The following MCC variants were observed in gnomAD, a reference collection of about 807,000 sequenced individuals.
The protein encoded by MCC is colorectal mutant cancer protein.
In MCC, 90 loss-of-function variants were observed where a neutral mutation model predicts 116.2. That is an observed-to-expected ratio of 0.77 (90% CI 0.65 to 0.92). The LOEUF (loss-of-function observed/expected upper bound fraction) is 0.92, where lower values mean the gene tolerates loss of function less well. Ranked by LOEUF, MCC falls within the 40% of genes least tolerant of loss-of-function variation. MCC has a pLI of 0.00. For synonymous variants in MCC, 578 were observed against 510.5 expected (o/e 1.13, Z -1.78); for missense variants, 1,516 against 1,312.2 (o/e 1.16, Z -2.40).
At position 113,340,684 on chromosome 5, in the gene MCC, G is replaced by A; in HGVS notation, c.462C>T (p.Ala154=). Residue 154 remains alanine, a synonymous_variant, in exon 3 of 19, where the codon GCC becomes GCT. Transcript: ENST00000408903. ...GCACATCCGGGCTCTGGAGGTCCCT[G>A]GCACCAGAGTCGTATTCCCAGCTCT... The part of the protein sequence containing the change: ...ARESWEYDSG[A]RDLQSPDVQS... The A allele has an allele frequency of 6.2e-7, 1 of 1,613,964 alleles. No individual in the cohort carries two copies. The highest frequency in any genetic ancestry group is 8.5e-7 in the Non-Finnish European group (1 of 1,180,004).
chr5:113,341,812 A>C (rs1014372509), intron 2 of MCC, among the ~76,000 whole-genome samples: 1 of 143,682 alleles, frequency 7.0e-6, no homozygotes, highest in Non-Finnish European at 1.5e-5. Flanking sequence ...TTTTGCCCTA[A>C]CATGATTAGA....
rs1581385446 is a variant in MCC at position 113,302,393 on chromosome 5, A to G, written c.627+38126T>C. Among the ~76,000 whole-genome samples the G allele has an allele frequency of 2.0e-5, 3 of 152,340 alleles. No individual in the cohort carries two copies. In the Middle Eastern group the frequency reaches 0.01, roughly 518 times the overall value. ...TGCATATTAAAAGAGACTCAAAGACATATCGACCAATGGCAATATGTGGAC... is the reference window on the plus strand; with the variant it reads ...TGCATATTAAAAGAGACTCAAAGACGTATCGACCAATGGCAATATGTGGAC... On this transcript the variant is annotated intron_variant, in intron 3 of 18. Transcript: ENST00000408903.
At chr5:113,292,461 T>C (rs1766537786) in intron 3 of MCC, among the ~76,000 whole-genome samples, 1 of 152,172 alleles carries the variant, frequency 6.6e-6, no homozygotes, top group African/African-American at 2.4e-5. Flanking sequence ...GGAACAATAT[T>C]ATGTCATATA....
intron 1 of MCC, among the ~76,000 whole-genome samples, chr5:113,431,211 C>T (rs908905188): frequency 6.6e-6 from 1 of 152,070 alleles, no homozygotes; most frequent in Admixed American, 6.6e-5. Flanking sequence ...CTGAACAGTG[C>T]TAAGGGCCTA....
At chr5:113,406,428 A>G (rs1293295409) in intron 1 of MCC, among the ~76,000 whole-genome samples, 1 of 152,196 alleles carries the variant, frequency 6.6e-6, no homozygotes, top group East Asian at 1.9e-4. Context: ...AATGACCCAA[A>G]TCAGCCACAT....
In MCC at chr5:113,027,237, T is replaced by TG; in HGVS notation, c.*64_*65insC. 1 of 1,552,492 alleles carries TG rather than the reference T, an allele frequency of 6.4e-7. No homozygotes were observed. Reference sequence around the variant, plus strand: ...CTCCTCCCAACAAGTACATGGGCCCTTCTGTCCCCAGTGGCCTGCTGCAGT... The same window carrying TG: ...CTCCTCCCAACAAGTACATGGGCCCTGTCTGTCCCCAGTGGCCTGCTGCAGT... On this transcript the variant is annotated 3_prime_UTR_variant, in exon 19 of 19. Coordinates refer to ENST00000408903, the MANE Select transcript of MCC (RefSeq NM_001085377.2).
At chr5:113,402,913 G>C (rs1178501522) in intron 1 of MCC, among the ~76,000 whole-genome samples, 1 of 152,104 alleles carries the variant, frequency 6.6e-6, no homozygotes, top group East Asian at 1.9e-4. Flanking sequence ...TTCTGCCTCA[G>C]CCTTCACACC....
intron 4 of MCC, among the ~76,000 whole-genome samples, chr5:113,146,290 C>G (rs950390924): frequency 3.3e-5 from 5 of 152,162 alleles, no homozygotes; most frequent in African/African-American, 1.2e-4. Flanking sequence ...GACTTCTCTT[C>G]TGGAGAACAA....
At chr5:113,144,676 A>G (rs1210710569) in intron 4 of MCC, among the ~76,000 whole-genome samples, 4 of 152,238 alleles carry the variant, frequency 2.6e-5, no homozygotes. Context: ...GGTATCAATC[A>G]TGGTAGGGCC....
At chr5:113,436,144 G>C (rs1770852018) in intron 1 of MCC, 1 of 152,522 alleles carries the variant, frequency 6.6e-6, no homozygotes, top group Admixed American at 6.5e-5. Context: ...TGTCGCTCAG[G>C]CTGGGTTGGG....
At chr5:113,049,388 G>A (rs995019565) in intron 15 of MCC, 89 bp from the exon 16 acceptor site, 26 of 1,100,816 alleles carry the variant, frequency 2.4e-5, no homozygotes, top group Admixed American at 7.9e-5. Context: ...GGGGGTCCCC[G>A]GCTATGACCC....
At chr5:113,401,363 A>G (rs1169985860) in intron 1 of MCC, among the ~76,000 whole-genome samples, 1 of 152,142 alleles carries the variant, frequency 6.6e-6, no homozygotes, top group African/African-American at 2.4e-5. Context: ...GTAGAAGATA[A>G]AGCAAAATTT....
At chr5:113,215,625 G>T (rs556332145) in intron 3 of MCC, among the ~76,000 whole-genome samples, 1 of 152,314 alleles carries the variant, frequency 6.6e-6, no homozygotes, top group African/African-American at 2.4e-5. Flanking sequence ...TGAGGACACA[G>T]TGTTCTTCCC....
intron 5 of MCC, among the ~76,000 whole-genome samples, chr5:113,126,582 T>C (rs777499374): frequency 1.7e-4 from 26 of 152,136 alleles, no homozygotes; most frequent in Non-Finnish European, 3.1e-4. Context: ...AGCCTAGAAA[T>C]ACAAAAACAA....
intron 3 of MCC, among the ~76,000 whole-genome samples, chr5:113,225,714 C>T (rs767842618): frequency 2.0e-5 from 3 of 152,224 alleles, no homozygotes; most frequent in Non-Finnish European, 4.4e-5. Flanking sequence ...CTGACATGTG[C>T]TGTATAGTCA....
At chr5:113,066,543 C>A (rs940283394) in intron 13 of MCC, among the ~76,000 whole-genome samples, 4 of 152,188 alleles carry the variant, frequency 2.6e-5, no homozygotes, top group African/African-American at 7.2e-5. Context: ...TGAAGGTGTG[C>A]TCCTTTGTTG....
Position 113,027,328 on chromosome 5 carries a change from G to C in MCC, c.3034C>G (p.Pro1012Ala), listed in dbSNP as rs1223135571. The change falls in exon 19 of 19, where the codon CCA (proline) becomes GCA (alanine). Residue 1012 changes from proline (P) to alanine (A), a missense_variant. Physicochemically the swap from Pro to Ala is conservative, Grantham distance 27. Coordinates refer to ENST00000408903, the MANE Select transcript of MCC (RefSeq NM_001085377.2). ...TAAAGCGAAGTTTCATTGGTGTGTG[G>C]CCTGGAGTTCTCCTCCTCTAGCAGA... ...IALLEEENSR[P>A]HTNETSL 6.2e-7 allele frequency: 1 copy of C among 1,614,042 alleles called. No homozygotes were observed. Among genetic ancestry groups the C allele is most frequent in the Non-Finnish European group, 8.5e-7 (1 of 1,180,010 alleles).
At chr5:113,398,331 G>T (rs1340985995) in intron 1 of MCC, among the ~76,000 whole-genome samples, 2 of 152,130 alleles carry the variant, frequency 1.3e-5, no homozygotes, top group Non-Finnish European at 2.9e-5. Flanking sequence ...CTATTACTGG[G>T]TATATACCCA....
At chr5:113,446,097 C>A (rs1028791073) in intron 1 of MCC, among the ~76,000 whole-genome samples, 2 of 152,118 alleles carry the variant, frequency 1.3e-5, no homozygotes, top group African/African-American at 2.4e-5. Flanking sequence ...AAAATTAACT[C>A]AAGATGGATT....
Sources: gnomAD v4.1 joint callset for allele counts (sites outside exome capture counted in the v4.1 genomes callset) on GRCh38, gnomAD v4.1.1 for gene constraint, MANE v1.5 for transcripts, NCBI Gene and HGNC (gene_info 2026-07-23, HGNC 2026-07-21) for gene names.